The following KYNU variants were observed in gnomAD, a reference collection of about 807,000 sequenced individuals.
KYNU encodes the protein L-kynurenine hydrolase.
A neutral mutation model predicts 59.2 loss-of-function variants in KYNU; 54 were observed. The observed-to-expected ratio is 0.91, with a 90% CI of 0.73 to 1.14. The LOEUF is 1.14. Ranked by LOEUF, KYNU falls within the 50% of genes most tolerant of loss-of-function variation. KYNU has a pLI of 0.00. For missense variants in KYNU, 567 were observed against 554.4 expected (o/e 1.02, Z -0.23); for synonymous variants, 177 against 192.0 (o/e 0.92, Z 0.65).
At chr2:142,991,614 C>T (rs753935156) in intron 10 of KYNU, among the ~76,000 whole-genome samples, 1 of 151,860 alleles carries the variant, frequency 6.6e-6, no homozygotes, top group Non-Finnish European at 1.5e-5. Flanking sequence ...ATTTGCCTCC[C>T]ACATCTCTAA....
intron 3 of KYNU, among the ~76,000 whole-genome samples, chr2:142,927,373 G>A (rs1217357466): frequency 6.6e-6 from 1 of 151,844 alleles, no homozygotes; most frequent in Admixed American, 6.6e-5. Flanking sequence ...CAAAATAACT[G>A]AGACCAAAAA....
At chr2:143,026,180 A>C (rs1686550568) in intron 10 of KYNU, among the ~76,000 whole-genome samples, 1 of 152,202 alleles carries the variant, frequency 6.6e-6, no homozygotes, top group Non-Finnish European at 1.5e-5. Flanking sequence ...TAAAACTAGA[A>C]TCACACTCAA....
intron 8 of KYNU, among the ~76,000 whole-genome samples, chr2:142,984,786 C>T (rs1685152210): frequency 6.6e-6 from 1 of 152,010 alleles, no homozygotes; most frequent in Admixed American, 6.6e-5. Flanking sequence ...GGTACCGCTG[C>T]CTTGGCTCCT....
intron 7 of KYNU, chr2:142,957,940 CTATTTTTCT>C (rs1252873092): frequency 2.1e-6 from 1 of 476,436 alleles, no homozygotes; most frequent in African/African-American, 2.0e-5. Context: ...GGCAAGCAAA[CTATTTTTCT>C]GTTAATACCA....
intron 4 of KYNU, among the ~76,000 whole-genome samples, chr2:142,946,937 A>G (rs978760517): frequency 3.3e-5 from 5 of 152,220 alleles, no homozygotes; most frequent in Admixed American, 6.5e-5. Flanking sequence ...CAGATTCTCC[A>G]TCAGCACTTA....
At chr2:142,945,641 G>A (rs770163004) in intron 4 of KYNU, among the ~76,000 whole-genome samples, 2 of 152,100 alleles carry the variant, frequency 1.3e-5, no homozygotes. Flanking sequence ...TAGAATGGTA[G>A]ATCCTTTCCA....
intron 10 of KYNU, among the ~76,000 whole-genome samples, chr2:142,996,110 A>G (rs1005178124): frequency 2.6e-5 from 4 of 152,090 alleles, no homozygotes; most frequent in African/African-American, 9.7e-5. Context: ...TTATGAACCC[A>G]TGCAGCCGTG....
At chr2:142,916,441 G>C (rs560765919) in intron 2 of KYNU, among the ~76,000 whole-genome samples, 5 of 152,152 alleles carry the variant, frequency 3.3e-5, no homozygotes, top group Non-Finnish European at 5.9e-5. Context: ...AGCAGAGACT[G>C]TATGGCTTGG....
At chr2:142,965,903 T>C (rs1684513344) in intron 8 of KYNU, among the ~76,000 whole-genome samples, 1 of 152,166 alleles carries the variant, frequency 6.6e-6, no homozygotes, top group African/African-American at 2.4e-5. Context: ...TCATTGCTCC[T>C]TTTTCCTTTT....
rs77677520 is a variant in KYNU at position 142,928,974 on chromosome 2, G to A, written c.373+1233G>A. ...AGTGAGCCCAAATCGTGCCACTGTTGTTCAGCCTGGACGACAGGGTGACAC... is the reference window on the plus strand; with the variant it reads ...AGTGAGCCCAAATCGTGCCACTGTTATTCAGCCTGGACGACAGGGTGACAC... On this transcript the variant is annotated intron_variant, in intron 4 of 13. Transcript: ENST00000264170. Among the ~76,000 whole-genome samples the A allele has an allele frequency of 6.0e-3, 730 of 120,910 alleles. 2 individuals are homozygous for A. The highest frequency in any genetic ancestry group is 0.014 in the Admixed American group (121 of 8,758). The allele number at this position is 120,910 out of a possible 152,430, so 79.3% of individuals were successfully genotyped here. A position where few individuals can be genotyped will look rare whatever the true frequency, so the allele number is the denominator to read the frequency against.
chr2:142,954,260 A>T (rs1273214480), intron 4 of KYNU, among the ~76,000 whole-genome samples: 3 of 151,978 alleles, frequency 2.0e-5, no homozygotes, highest in Non-Finnish European at 2.9e-5. Flanking sequence ...CTTTTATCTC[A>T]GTGTGTATGA....
At chr2:142,972,850 G>A (rs1358275799) in intron 8 of KYNU, among the ~76,000 whole-genome samples, 1 of 148,074 alleles carries the variant, frequency 6.8e-6, no homozygotes, top group Non-Finnish European at 1.5e-5. Context: ...ACTGACTACA[G>A]AGATGAGGTC....
chr2:142,931,495 C>T (rs1683217280), intron 4 of KYNU, among the ~76,000 whole-genome samples: 1 of 152,134 alleles, frequency 6.6e-6, no homozygotes, highest in Admixed American at 6.6e-5. Flanking sequence ...AGAGGTATAG[C>T]CTCATTTGCT....
chr2:142,980,234 A>C (rs773888268), intron 8 of KYNU, among the ~76,000 whole-genome samples: 1 of 144,382 alleles, frequency 6.9e-6, no homozygotes, highest in Non-Finnish European at 1.5e-5. Context: ...TTAGCTTATA[A>C]TGAGCTTATA....
At chr2:142,951,945 A>G (rs1220975676) in intron 4 of KYNU, among the ~76,000 whole-genome samples, 1 of 152,196 alleles carries the variant, frequency 6.6e-6, no homozygotes, top group Non-Finnish European at 1.5e-5. Context: ...GTGTAGTTTA[A>G]TTCTGCCCAG....
At chr2:142,943,607 A>G (rs1174321567) in intron 4 of KYNU, among the ~76,000 whole-genome samples, 1 of 152,192 alleles carries the variant, frequency 6.6e-6, no homozygotes. Context: ...TAATATTATT[A>G]TTAAGCTTAC....
intron 1 of KYNU, among the ~76,000 whole-genome samples, chr2:142,882,099 G>A (rs879707354): frequency 6.6e-6 from 1 of 151,382 alleles, no homozygotes; most frequent in Admixed American, 6.6e-5. Flanking sequence ...TCTTCCCCAG[G>A]TATTTTTATT....
chr2:142,942,172 A>T (rs1573817728), intron 4 of KYNU, among the ~76,000 whole-genome samples: 1 of 151,142 alleles, frequency 6.6e-6, no homozygotes, highest in East Asian at 2.0e-4. Context: ...AAAAAAAAAA[A>T]AAGAAAAAAA....
rs534591803 is a variant in KYNU at position 142,976,454 on chromosome 2, TTTGTATATA to T, written c.730-8626_730-8618del. ...CTACCAGGGCCTGTTGTCTCCTCTG[TTTGTATATA>T]TTGACACAAATACAGTCATTCAGTA... On this transcript the variant is annotated intron_variant, in intron 8 of 13. Transcript: ENST00000264170. Among the ~76,000 whole-genome samples, 642 of 152,240 alleles carry T rather than the reference TTTGTATATA, an allele frequency of 4.2e-3. 2 individuals are homozygous for T. The highest frequency in any genetic ancestry group is 6.5e-3 in the Non-Finnish European group (439 of 67,994).
Sources: gnomAD v4.1 joint callset for allele counts (sites outside exome capture counted in the v4.1 genomes callset) on GRCh38, gnomAD v4.1.1 for gene constraint, MANE v1.5 for transcripts, NCBI Gene and HGNC (gene_info 2026-07-23, HGNC 2026-07-21) for gene names.